Variants in MIB1 observed in about 807,000 individuals in gnomAD.
The protein encoded by MIB1 is E3 ubiquitin-protein ligase MIB1.
Under a neutral mutation model 124.5 loss-of-function variants are expected in MIB1, and 278 were observed. The ratio of observed to expected loss-of-function variants is 2.23; its 90% CI spans 2.02 to 2.47. The LOEUF (loss-of-function observed/expected upper bound fraction) is 2.47. MIB1 is among the 30% of genes most tolerant of loss of function. The pLI is 0.00. For missense variants in MIB1, 957 were observed against 1,254.4 expected, an observed-to-expected ratio of 0.76 and a Z score of 3.58; for synonymous variants, 446 against 429.4, an observed-to-expected ratio of 1.04 and a Z score of -0.48.
intron 6 of MIB1, among the ~76,000 whole-genome samples, chr18:21,783,748 T>G (rs1411139681): frequency 1.3e-5 from 2 of 152,072 alleles, no homozygotes; most frequent in East Asian, 3.9e-4. Flanking sequence ...AAATAAATTT[T>G]ATCATTTTTT....
chr18:21,795,549 C>T (rs2041569001), intron 7 of MIB1, among the ~76,000 whole-genome samples: 2 of 150,860 alleles, frequency 1.3e-5, no homozygotes, highest in African/African-American at 2.4e-5. Flanking sequence ...GAAGGGAGAC[C>T]TCTTTGAATA....
chr18:21,793,102 G>C (rs1179398502), intron 7 of MIB1, among the ~76,000 whole-genome samples: 1 of 152,196 alleles, frequency 6.6e-6, no homozygotes, highest in East Asian at 1.9e-4. Context: ...GCATCTGATA[G>C]ATCCGAGAAC....
At chr18:21,843,311 G>A (rs1438589199) in intron 14 of MIB1, 94 bp downstream of exon 14, 3 of 752,686 alleles carry the variant, frequency 4.0e-6, no homozygotes, top group African/African-American at 3.7e-5. Context: ...AGTGTTACAT[G>A]TCTCAAGCTG....
intron 7 of MIB1, among the ~76,000 whole-genome samples, chr18:21,794,678 G>A (rs980128717): frequency 6.6e-6 from 1 of 152,098 alleles, no homozygotes; most frequent in Non-Finnish European, 1.5e-5. Context: ...GAATCTTCAA[G>A]ATGAGAGAAA....
upstream of MIB1, among the ~76,000 whole-genome samples, chr18:21,737,235 C>T (rs143930120): frequency 0.062 from 9,473 of 152,256 alleles, 319 homozygotes; most frequent in Middle Eastern, 0.14. Flanking sequence ...ATTCAACATT[C>T]TTAAAGAAAA....
At chr18:21,723,704 C>G (rs11083304) in intron 1 of MIB1, among the ~76,000 whole-genome samples, 40,368 of 151,852 alleles carry the variant, frequency 0.27, 5,994 homozygotes, top group South Asian at 0.41. Context: ...TTAGTAGAGA[C>G]GGGGTTTCCC....
At chr18:21,825,593 A>G in intron 12 of MIB1, 1 of 449,572 alleles carries the variant, frequency 2.2e-6, no homozygotes, top group Admixed American at 2.7e-5. Flanking sequence ...ATTAACAGTA[A>G]CAAGTTATTT....
chr18:21,842,083 C>A (rs1361186803), intron 13 of MIB1, among the ~76,000 whole-genome samples: 1 of 119,636 alleles, frequency 8.4e-6, no homozygotes, highest in African/African-American at 3.4e-5. Context: ...CAGAGTGAGA[C>A]CCTATCTCAA....
At chr18:21,707,668 G>A (rs2040645912) in intron 1 of MIB1, among the ~76,000 whole-genome samples, 1 of 152,152 alleles carries the variant, frequency 6.6e-6, no homozygotes, top group African/African-American at 2.4e-5. Context: ...CCTCTTTTAA[G>A]AACTGTAACA....
At chr18:21,805,213 A>T (rs2146461287) in intron 10 of MIB1, among the ~76,000 whole-genome samples, 1 of 152,086 alleles carries the variant, frequency 6.6e-6, no homozygotes, top group East Asian at 1.9e-4. Flanking sequence ...GGGTTTTGCC[A>T]TGTTGGCCGG....
intron 1 of MIB1, among the ~76,000 whole-genome samples, chr18:21,743,527 A>C (rs1016863240): frequency 1.3e-5 from 2 of 152,220 alleles, no homozygotes; most frequent in Non-Finnish European, 2.9e-5. Flanking sequence ...AACATTGCAC[A>C]TATTTAACAT....
chr18:21,735,668 A>G (rs1012831235), intron 1 of MIB1, among the ~76,000 whole-genome samples: 9 of 152,134 alleles, frequency 5.9e-5, no homozygotes, highest in African/African-American at 1.9e-4. Flanking sequence ...GGTTGACCTG[A>G]GATGCTCAAG....
chr18:21,811,926 A>G (rs1438279084), intron 10 of MIB1, among the ~76,000 whole-genome samples: 1 of 152,188 alleles, frequency 6.6e-6, no homozygotes, highest in Non-Finnish European at 1.5e-5. Flanking sequence ...CATGATGGTT[A>G]TTTAAGGATT....
intron 1 of MIB1, among the ~76,000 whole-genome samples, chr18:21,760,624 T>G (rs1357475221): frequency 6.6e-6 from 1 of 152,238 alleles, no homozygotes; most frequent in Admixed American, 6.5e-5. Flanking sequence ...AGTTGTCATG[T>G]GTGTTTAAAT....
At position 21,762,472 on chromosome 18, in the gene MIB1, A is replaced by G. The variant is rs73963246; in HGVS notation, c.230-3300A>G. Among the ~76,000 whole-genome samples the G allele has an allele frequency of 8.9e-3, 1,349 of 152,354 alleles. 21 individuals are homozygous for G. The highest frequency in any genetic ancestry group is 0.03 in the African/African-American group (1,259 of 41,592). ...TTAAAGTAGTTTGCAAGGAACTACA[A>G]TGTGACATTTTTGCATCTAAATTGC... On this transcript the variant is annotated intron_variant, in intron 1 of 20. Transcript: ENST00000261537.
intron 20 of MIB1, 127 bp from the exon 21 acceptor site, chr18:21,864,399 A>G: frequency 1.5e-6 from 1 of 678,168 alleles, no homozygotes; most frequent in Admixed American, 2.8e-5. Context: ...ATGTTAAAAA[A>G]TTGTTTTTAA....
chr18:21,725,748 C>CAGGA (rs201172007), intron 1 of MIB1, among the ~76,000 whole-genome samples: 22 of 148,236 alleles, frequency 1.5e-4, no homozygotes, highest in South Asian at 1.3e-3. Flanking sequence ...GACAGTTGAA[C>CAGGA]AGGAAGGAAG....
rs62090813 is a variant in MIB1, at chr18:21,787,034, C to T, written c.909-4340C>T. Among the ~76,000 whole-genome samples the T allele has an allele frequency of 2.0e-5, 3 of 148,082 alleles. No individual in the cohort carries two copies. In the East Asian group the frequency reaches 5.9e-4, roughly 29 times the overall value. On this transcript the variant is annotated intron_variant, in intron 6 of 20. Coordinates refer to ENST00000261537, the MANE Select transcript of MIB1 (RefSeq NM_020774.4). ...GAAAGATCATTTTTTTTTTTTTTCC[C>T]AGTTTTTGCTGTCTGCTTATTTTGG...
At chr18:21,766,007 G>A (rs2041154189) in intron 2 of MIB1, 64 bp downstream of exon 2, 2 of 1,493,456 alleles carry the variant, frequency 1.3e-6, no homozygotes, top group African/African-American at 2.8e-5. Context: ...ATGTACTTCT[G>A]GGCCTTAAAA....
Sources: gnomAD v4.1 joint callset for allele counts (sites outside exome capture counted in the v4.1 genomes callset) on GRCh38, gnomAD v4.1.1 for gene constraint, MANE v1.5 for transcripts, NCBI Gene and HGNC (gene_info 2026-07-23, HGNC 2026-07-21) for gene names.